PRDM6: variants seen among roughly 807,000 people sequenced by gnomAD.
The protein encoded by PRDM6 is putative histone-lysine N-methyltransferase PRDM6.
In PRDM6, 25 loss-of-function variants were observed where a neutral mutation model predicts 60.8. The ratio of observed to expected loss-of-function variants is 0.41; its 90% CI spans 0.30 to 0.57. PRDM6 has a LOEUF of 0.57. Ranked by LOEUF, PRDM6 falls within the 20% of genes least tolerant of loss-of-function variation. PRDM6 has a pLI of 0.27. For synonymous variants in PRDM6, 407 were observed against 357.4 expected, an observed-to-expected ratio of 1.14 and a Z score of -1.57; for missense variants, 839 against 821.3, an observed-to-expected ratio of 1.02 and a Z score of -0.26.
In PRDM6 at chr5:123,189,194, G is replaced by T. The variant is rs1274323383; in HGVS notation, c.*1993G>T. On this transcript the variant is annotated 3_prime_UTR_variant, in exon 8 of 8. Transcript: ENST00000407847. The stretch of plus-strand genomic sequence containing the variant: ...GTTTGCAAACAATGTGCGTCACTGG[G>T]AAGTGTGAATGAAATGTAGCCATAT... The T allele has an allele frequency of 6.6e-6, 1 of 152,188 alleles. No homozygotes were observed. The highest frequency in any genetic ancestry group is 2.4e-5 in the African/African-American group (1 of 41,442). 9.4% of individuals were successfully genotyped at this position (152,188 alleles called of 1,614,324 possible).
At chr5:123,126,678 C>A (rs1359216242) in intron 3 of PRDM6, among the ~76,000 whole-genome samples, 1 of 152,164 alleles carries the variant, frequency 6.6e-6, no homozygotes, top group Non-Finnish European at 1.5e-5. Flanking sequence ...AGAGATGACA[C>A]ATATTTCTAC....
chr5:123,090,740 C>A (rs1763819646), intron 2 of PRDM6, 134 bp downstream of exon 2: 1 of 652,140 alleles, frequency 1.5e-6, no homozygotes, highest in Non-Finnish European at 2.4e-6. Context: ...TGGTCCTGGC[C>A]GCTGGCCCGC....
At chr5:123,159,445 A>G (rs1580527168) in intron 4 of PRDM6, 69 bp from the exon 5 acceptor site, 1 of 1,510,480 alleles carries the variant, frequency 6.6e-7, no homozygotes, top group Non-Finnish European at 8.9e-7. Context: ...TTTCAGGGCA[A>G]TAAAAATATG....
chr5:123,120,953 A>G (rs1038781233), intron 3 of PRDM6, among the ~76,000 whole-genome samples: 2 of 152,246 alleles, frequency 1.3e-5, no homozygotes, highest in African/African-American at 4.8e-5. Flanking sequence ...TAAATGATAA[A>G]TAGTGGGTAC....
intron 5 of PRDM6, 151 bp from the exon 6 acceptor site, chr5:123,170,615 C>T: frequency 1.6e-6 from 1 of 641,900 alleles, no homozygotes; most frequent in East Asian, 2.7e-5. Context: ...AGTTTTTTCC[C>T]CTCAAATCAG....
intron 2 of PRDM6, among the ~76,000 whole-genome samples, chr5:123,097,021 T>C (rs760620434): frequency 5.0e-4 from 76 of 152,094 alleles, no homozygotes; most frequent in South Asian, 6.2e-4. Flanking sequence ...ATTTGCATCA[T>C]TGAGTCAAGC....
chr5:123,137,122 G>C (rs432604), intron 3 of PRDM6, among the ~76,000 whole-genome samples: 110,244 of 152,152 alleles, frequency 0.72, 40,093 homozygotes, highest in Non-Finnish European at 0.75. Context: ...GAGGTAAGCA[G>C]CAGATATGTG....
At position 123,191,922 on chromosome 5, in the gene PRDM6, G is replaced by A. The variant is rs1321167885; in HGVS notation, c.*4721G>A. On this transcript the variant is annotated 3_prime_UTR_variant, in exon 8 of 8. Transcript: ENST00000407847. Reference sequence around the variant, plus strand: ...TAACCTGTAGTCCATGGCTGTGTTTGACATTTAAAATATTTATTTAGTTTC... The same window carrying A: ...TAACCTGTAGTCCATGGCTGTGTTTAACATTTAAAATATTTATTTAGTTTC... 1 of 152,182 alleles carries A rather than the reference G, an allele frequency of 6.6e-6. No individual in the cohort carries two copies. Among genetic ancestry groups the A allele is most frequent in the Non-Finnish European group, 1.5e-5 (1 of 68,034 alleles). The allele number at this position is 152,182 out of a possible 1,614,324, so 9.4% of individuals were successfully genotyped here. A position where few individuals can be genotyped will look rare whatever the true frequency, so the allele number is the denominator to read the frequency against.
chr5:123,122,886 G>A (rs945323579), intron 3 of PRDM6, among the ~76,000 whole-genome samples: 2 of 152,018 alleles, frequency 1.3e-5, no homozygotes, highest in African/African-American at 2.4e-5. Flanking sequence ...TCTTTACTAC[G>A]AGTTTAATGA....
chr5:123,125,596 T>C (rs1489952818), intron 3 of PRDM6, among the ~76,000 whole-genome samples: 1 of 152,192 alleles, frequency 6.6e-6, no homozygotes, highest in Non-Finnish European at 1.5e-5. Context: ...CTTGATAGGT[T>C]CAAGGCAGAA....
chr5:123,156,230 C>A (rs1181959863), intron 4 of PRDM6, among the ~76,000 whole-genome samples: 1 of 152,108 alleles, frequency 6.6e-6, no homozygotes, highest in Non-Finnish European at 1.5e-5. Context: ...AGATGGCCTC[C>A]TTCACTCCGT....
intron 6 of PRDM6, among the ~76,000 whole-genome samples, chr5:123,175,472 T>A (rs1765984195): frequency 6.6e-6 from 1 of 152,232 alleles, no homozygotes; most frequent in Non-Finnish European, 1.5e-5. Context: ...TGTATCAGTA[T>A]TCTTGTGTCC....
chr5:123,128,128 A>G (rs959276491), intron 3 of PRDM6, among the ~76,000 whole-genome samples: 5 of 152,182 alleles, frequency 3.3e-5, no homozygotes, highest in African/African-American at 1.2e-4. Flanking sequence ...ACAGTATTCC[A>G]TGGTGTATAT....
intron 3 of PRDM6, among the ~76,000 whole-genome samples, chr5:123,126,158 C>G (rs1376266147): frequency 6.6e-6 from 1 of 152,126 alleles, no homozygotes; most frequent in Non-Finnish European, 1.5e-5. Context: ...GATGAGTCAT[C>G]CCTCACAAAT....
rs78354028 is a variant in PRDM6 at position 123,133,477 on chromosome 5, T to G, written c.901-22407T>G. On this transcript the variant is annotated intron_variant, in intron 3 of 7. Coordinates refer to ENST00000407847, the MANE Select transcript of PRDM6 (RefSeq NM_001136239.4). ...ACAAAAGAGCAAAACACAACCTAAA[T>G]ATCCTTTTTTATTAAAAGTCAGAAT... Among the ~76,000 whole-genome samples the G allele has an allele frequency of 2.8e-4, 43 of 152,178 alleles. No homozygotes were observed. In the East Asian group the frequency reaches 7.3e-3, roughly 26 times the overall value.
chr5:123,145,616 C>CA (rs1462851225), intron 3 of PRDM6, among the ~76,000 whole-genome samples: 1 of 152,182 alleles, frequency 6.6e-6, no homozygotes, highest in Non-Finnish European at 1.5e-5. Context: ...GGGGTGGCTT[C>CA]ATCTCTTGCA....
chr5:123,125,399 G>A (rs919270887), intron 3 of PRDM6, among the ~76,000 whole-genome samples: 2 of 152,002 alleles, frequency 1.3e-5, no homozygotes, highest in Non-Finnish European at 1.5e-5. Context: ...AGTTAACAAT[G>A]TTAATGGAGG....
chr5:123,112,754 C>T (rs1764340702), intron 3 of PRDM6, among the ~76,000 whole-genome samples: 2 of 143,656 alleles, frequency 1.4e-5, no homozygotes, highest in African/African-American at 5.2e-5. Flanking sequence ...AACCTGTGAA[C>T]CCAACATTTT....
intron 3 of PRDM6, among the ~76,000 whole-genome samples, chr5:123,121,892 G>A (rs1349856170): frequency 5.4e-5 from 8 of 148,694 alleles, no homozygotes; most frequent in Non-Finnish European, 1.0e-4. Flanking sequence ...GGCTGGGTGC[G>A]GTGGCTCATG....
Sources: gnomAD v4.1 joint callset for allele counts (sites outside exome capture counted in the v4.1 genomes callset) on GRCh38, gnomAD v4.1.1 for gene constraint, MANE v1.5 for transcripts, NCBI Gene and HGNC (gene_info 2026-07-23, HGNC 2026-07-21) for gene names.